The following CTNNA2 variants were observed in gnomAD, a reference collection of about 807,000 sequenced individuals.
The protein encoded by CTNNA2 is catenin alpha 2, also known as catenin alpha-2.
Under a neutral mutation model 101.0 loss-of-function variants are expected in CTNNA2, and 42 were observed. The observed-to-expected ratio is 0.42, with a 90% confidence interval of 0.32 to 0.54. CTNNA2 has a LOEUF of 0.54. Ranked by LOEUF, CTNNA2 falls within the 20% of genes least tolerant of loss-of-function variation. CTNNA2 has a pLI of 0.14. For missense variants in CTNNA2, 871 were observed against 1,223.1 expected, an observed-to-expected ratio of 0.71 and a Z score of 4.29; for synonymous variants, 450 against 456.4, an observed-to-expected ratio of 0.99 and a Z score of 0.18.
chr2:79,658,045 A>G (rs1274739524), intron 2 of CTNNA2, among the ~76,000 whole-genome samples: 3 of 151,946 alleles, frequency 2.0e-5, no homozygotes, highest in Non-Finnish European at 2.9e-5. Context: ...ATAATTTTGT[A>G]TCTATTCAAA....
intron 7 of CTNNA2, among the ~76,000 whole-genome samples, chr2:79,942,230 C>T (rs1201804409): frequency 6.6e-6 from 1 of 152,146 alleles, no homozygotes; most frequent in African/African-American, 2.4e-5. Context: ...GGAATCAGGT[C>T]CATGCAGACT....
chr2:80,108,104 C>T (rs919993980), intron 7 of CTNNA2, among the ~76,000 whole-genome samples: 8 of 152,086 alleles, frequency 5.3e-5, no homozygotes, highest in Admixed American at 1.3e-4. Flanking sequence ...GTTACTCTTC[C>T]CAGAGAGTTT....
intron 7 of CTNNA2, among the ~76,000 whole-genome samples, chr2:80,089,106 C>T (rs1317674932): frequency 1.3e-5 from 2 of 151,944 alleles, no homozygotes; most frequent in Admixed American, 6.6e-5. Flanking sequence ...AGTTCTTTGG[C>T]GTGTACCACT....
At chr2:80,178,814 C>G (rs1705567867) in intron 7 of CTNNA2, among the ~76,000 whole-genome samples, 1 of 152,184 alleles carries the variant, frequency 6.6e-6, no homozygotes, top group African/African-American at 2.4e-5. Flanking sequence ...ATAGGCCCCA[C>G]AACACTGTAC....
At chr2:80,441,252 CAA>C (rs1284241801) in intron 9 of CTNNA2, among the ~76,000 whole-genome samples, 2 of 151,766 alleles carry the variant, frequency 1.3e-5, no homozygotes, top group Non-Finnish European at 2.9e-5. Context: ...CCTGAGACTT[CAA>C]AAAAAATTAT....
At chr2:80,647,263 ACTTTTTTT>A (rs1342253990) in intron 18 of CTNNA2, among the ~76,000 whole-genome samples, 1 of 151,990 alleles carries the variant, frequency 6.6e-6, no homozygotes, top group African/African-American at 2.4e-5. Flanking sequence ...ACCCCTTATA[ACTTTTTTT>A]CTTTAGTGTC....
chr2:79,993,238 G>A (rs1280574139), intron 7 of CTNNA2, among the ~76,000 whole-genome samples: 2 of 152,194 alleles, frequency 1.3e-5, no homozygotes, highest in East Asian at 3.9e-4. Context: ...GCGTACATGA[G>A]CATTGTGGTT....
chr2:80,465,871 A>G (rs1044091655), intron 9 of CTNNA2, among the ~76,000 whole-genome samples: 1 of 152,088 alleles, frequency 6.6e-6, no homozygotes, highest in East Asian at 1.9e-4. Flanking sequence ...CTGTTTCAGT[A>G]TGGTGTGATG....
intron 9 of CTNNA2, among the ~76,000 whole-genome samples, chr2:80,424,144 C>T (rs537038125): frequency 3.5e-4 from 53 of 152,134 alleles, no homozygotes; most frequent in Admixed American, 5.2e-4. Context: ...TTAGTAGAGA[C>T]GGGGTTTCAC....
intron 7 of CTNNA2, among the ~76,000 whole-genome samples, chr2:80,186,996 G>A (rs893969870): frequency 1.3e-5 from 2 of 152,146 alleles, no homozygotes; most frequent in African/African-American, 4.8e-5. Flanking sequence ...TAAACACCTT[G>A]GTGAATTATG....
rs1417538393 is a variant in CTNNA2, at chr2:80,109,241, A to C, written c.1056+199444A>C. Reference sequence around the variant, plus strand: ...TTTGGGAGGCTGAGGCCGGTGGATCACGAGGTTGGGAGACTGAGGCCATCC... The same window carrying C: ...TTTGGGAGGCTGAGGCCGGTGGATCCCGAGGTTGGGAGACTGAGGCCATCC... On this transcript the variant is annotated intron_variant, in intron 7 of 18. Coordinates refer to ENST00000402739, the MANE Select transcript of CTNNA2 (RefSeq NM_001282597.3). 2.0e-5 allele frequency among the ~76,000 whole-genome samples: 3 copies of C among 152,074 alleles called. No homozygotes were observed. The East Asian group carries it at 5.8e-4, about 29-fold the overall frequency.
At chr2:79,360,261 A>T (rs1415054609) in intron 3 of CTNNA2, among the ~76,000 whole-genome samples, 1 of 152,224 alleles carries the variant, frequency 6.6e-6, no homozygotes, top group Non-Finnish European at 1.5e-5. Context: ...TGTAATTAGT[A>T]ACAGATTCAG....
intron 1 of CTNNA2, among the ~76,000 whole-genome samples, chr2:79,616,799 G>C (rs1002378547): frequency 1.3e-5 from 2 of 152,040 alleles, no homozygotes; most frequent in African/African-American, 4.8e-5. Context: ...AGAATTTTAG[G>C]TTAGTGGTTA....
intron 7 of CTNNA2, among the ~76,000 whole-genome samples, chr2:80,304,907 C>T (rs1426652564): frequency 1.4e-5 from 1 of 73,844 alleles, no homozygotes. Flanking sequence ...GTCCATATTT[C>T]AAAAAAAAAA....
At chr2:80,580,107 C>T (rs889877326) in intron 13 of CTNNA2, among the ~76,000 whole-genome samples, 15 of 152,210 alleles carry the variant, frequency 9.9e-5, no homozygotes, top group East Asian at 1.9e-4. Context: ...CAAGCTATAA[C>T]GTCTCATGCC....
At chr2:79,260,876 T>C (rs189091730) in intron 2 of CTNNA2, among the ~76,000 whole-genome samples, 1 of 152,250 alleles carries the variant, frequency 6.6e-6, no homozygotes, top group African/African-American at 2.4e-5. Context: ...GAAGGGGGCA[T>C]TCAAATTATA....
chr2:79,431,481 A>C (rs989197067), intron 4 of CTNNA2, among the ~76,000 whole-genome samples: 3 of 152,158 alleles, frequency 2.0e-5, no homozygotes, highest in Admixed American at 1.3e-4. Flanking sequence ...AAAATTGCAA[A>C]GGAAAAAGAG....
At chr2:79,359,771 C>T (rs1677587595) in intron 3 of CTNNA2, among the ~76,000 whole-genome samples, 2 of 151,536 alleles carry the variant, frequency 1.3e-5, no homozygotes, top group African/African-American at 4.8e-5. Context: ...ACCTAGAGCT[C>T]TTGACTCAGT....
At chr2:80,251,887 C>T (rs160866) in intron 7 of CTNNA2, among the ~76,000 whole-genome samples, 60,737 of 151,956 alleles carry the variant, frequency 0.4, 14,419 homozygotes, top group Non-Finnish European at 0.54. Flanking sequence ...TTTTGAAATC[C>T]CTGTTCTAGT....
Sources: allele counts gnomAD v4.1 joint callset (sites outside exome capture counted in the v4.1 genomes callset), GRCh38; gene constraint gnomAD v4.1.1; transcripts MANE v1.5; gene names NCBI Gene and HGNC (gene_info 2026-07-23, HGNC 2026-07-21).